The following CNST variants were observed in gnomAD, a reference collection of about 807,000 sequenced individuals.
CNST encodes the protein consortin, connexin sorting protein.
Under a neutral mutation model 72.4 loss-of-function variants are expected in CNST, and 39 were observed. That is an observed-to-expected ratio of 0.54 (90% CI 0.42 to 0.70). The LOEUF is 0.70. Among genes scored for constraint, CNST ranks in the 30% least tolerant of loss-of-function variants. The pLI, the probability that CNST is intolerant of heterozygous loss-of-function variation, is 0.00. For missense variants in CNST, 871 were observed against 868.5 expected, an observed-to-expected ratio of 1.00 and a Z score of -0.04; for synonymous variants, 332 against 320.1, an observed-to-expected ratio of 1.04 and a Z score of -0.40.
At chr1:246,661,508 GA>G (rs1667102687) in intron 10 of CNST, among the ~76,000 whole-genome samples, 1 of 152,200 alleles carries the variant, frequency 6.6e-6, no homozygotes, top group African/African-American at 2.4e-5. Context: ...TTCATTGATA[GA>G]AAAGAGTGTC....
chr1:246,641,765 CAT>C lies in CNST; in HGVS notation c.837_838del (p.His279GlnfsTer21). On this transcript the variant is annotated frameshift_variant, in exon 7 of 11. Transcript: ENST00000366513. LOFTEE classifies it high-confidence loss of function. ...ATHQDPLLSK[H>X]KIAAVEKSQE... ...TTCCTACAGTCCTCTTTTATCCAAA[CAT>C]AAGGTAAGAGATTGTTTCTTTTGAA... The C allele has an allele frequency of 7.4e-7, 1 of 1,357,042 alleles. No homozygotes were observed. Among genetic ancestry groups the C allele is most frequent in the Non-Finnish European group, 1.0e-6 (1 of 957,734 alleles). 84.1% of individuals were successfully genotyped at this position (1,357,042 alleles called of 1,614,324 possible). A position where few individuals can be genotyped will look rare whatever the true frequency, so the allele number is the denominator to read the frequency against.
At chr1:246,613,451 T>C (rs1663464407) in intron 2 of CNST, among the ~76,000 whole-genome samples, 1 of 151,986 alleles carries the variant, frequency 6.6e-6, no homozygotes, top group South Asian at 2.1e-4. Context: ...TAATCGTCTC[T>C]GAATAATGGC....
At chr1:246,574,076 G>A (rs1392638888) in intron 1 of CNST, among the ~76,000 whole-genome samples, 3 of 152,166 alleles carry the variant, frequency 2.0e-5, no homozygotes, top group African/African-American at 7.2e-5. Flanking sequence ...GTCTCGCTCT[G>A]TTGCCCAGGC....
chr1:246,663,193 A>T (rs1667205081), intron 10 of CNST, among the ~76,000 whole-genome samples: 1 of 151,624 alleles, frequency 6.6e-6, no homozygotes, highest in Non-Finnish European at 1.5e-5. Flanking sequence ...CATCTCTACA[A>T]AAAATACAGA....
chr1:246,604,831 G>A (rs533835092), intron 2 of CNST, among the ~76,000 whole-genome samples: 205 of 151,908 alleles, frequency 1.3e-3, no homozygotes, highest in African/African-American at 4.9e-3. Flanking sequence ...ACCATGCCTG[G>A]CTAATTTTTG....
At chr1:246,605,474 G>C (rs1251991617) in intron 2 of CNST, among the ~76,000 whole-genome samples, 1 of 152,366 alleles carries the variant, frequency 6.6e-6, no homozygotes, top group Non-Finnish European at 1.5e-5. Flanking sequence ...GCGGTGTGGA[G>C]CATCACGCTG....
At chr1:246,610,462 C>G (rs557121543) in intron 2 of CNST, among the ~76,000 whole-genome samples, 1 of 152,020 alleles carries the variant, frequency 6.6e-6, no homozygotes, top group Non-Finnish European at 1.5e-5. Flanking sequence ...CGGCTTCTTC[C>G]GGGATGTTTT....
In CNST at chr1:246,647,974, T is replaced by C. The variant is rs748213694; in HGVS notation, c.1773T>C (p.Asn591=). ...AAGCATCCTATAGTCTCCAGGAGAA[T>C]CTGCCTTCTGATGAGAGCTGTCTTT... ...PEEASYSLQE[N]LPSDESCLSL... The change falls in exon 9 of 11, where the codon AAT becomes AAC. Residue 591 remains asparagine, a synonymous_variant. Transcript: ENST00000366513. 1 of 1,613,792 alleles carries C rather than the reference T, an allele frequency of 6.2e-7. No homozygotes were observed. The highest frequency in any genetic ancestry group is 2.2e-5 in the East Asian group (1 of 44,888).
At chr1:246,607,294 C>G (rs1249003509) in intron 2 of CNST, 1 of 152,028 alleles carries the variant, frequency 6.6e-6, no homozygotes, top group East Asian at 1.9e-4. Flanking sequence ...GGCCACTGTT[C>G]ACTCCTGCGG....
At chr1:246,660,437 C>A in intron 10 of CNST, 103 bp downstream of exon 10, 1 of 1,313,528 alleles carries the variant, frequency 7.6e-7, no homozygotes, top group Non-Finnish European at 1.1e-6. Context: ...TTGTAAAAGA[C>A]TATGTCCGCC....
intron 9 of CNST, among the ~76,000 whole-genome samples, chr1:246,651,820 C>T (rs1453448532): frequency 3.9e-5 from 6 of 152,084 alleles, no homozygotes; most frequent in Admixed American, 1.3e-4. Context: ...AAAATTTTAT[C>T]CTCCTTTCAT....
intron 2 of CNST, among the ~76,000 whole-genome samples, chr1:246,601,074 G>C (rs1381818334): frequency 3.3e-5 from 5 of 151,980 alleles, no homozygotes; most frequent in African/African-American, 1.2e-4. Flanking sequence ...GGAGGCCGAG[G>C]CAGGAGGACT....
intron 2 of CNST, among the ~76,000 whole-genome samples, chr1:246,604,262 G>C (rs1277433360): frequency 2.1e-5 from 3 of 144,212 alleles, no homozygotes; most frequent in Non-Finnish European, 4.6e-5. Flanking sequence ...TCAAAAAAAA[G>C]AAAAAAAAAA....
chr1:246,610,952 G>A (rs916037929), intron 2 of CNST, among the ~76,000 whole-genome samples: 5 of 152,124 alleles, frequency 3.3e-5, no homozygotes, highest in South Asian at 4.2e-4. Context: ...CCCTCCGCCC[G>A]CTTGGCCGTG....
intron 1 of CNST, among the ~76,000 whole-genome samples, chr1:246,573,211 G>A (rs551408322): frequency 2.0e-5 from 3 of 152,118 alleles, no homozygotes; most frequent in East Asian, 1.9e-4. Context: ...GGAGTTCTTC[G>A]GCATGCCAGT....
intron 2 of CNST, among the ~76,000 whole-genome samples, chr1:246,616,922 T>G (rs1277206686): frequency 2.0e-5 from 3 of 152,076 alleles, no homozygotes; most frequent in African/African-American, 4.8e-5. Flanking sequence ...AAAAATTTTT[T>G]GAAATTCACA....
intron 10 of CNST, among the ~76,000 whole-genome samples, chr1:246,662,248 A>G (rs1352819707): frequency 6.6e-6 from 1 of 152,162 alleles, no homozygotes; most frequent in South Asian, 2.1e-4. Flanking sequence ...CTTCTGCCAA[A>G]ATCTTCCTAA....
At chr1:246,586,174 G>A (rs1285074513) in intron 1 of CNST, among the ~76,000 whole-genome samples, 2 of 145,774 alleles carry the variant, frequency 1.4e-5, no homozygotes, top group Non-Finnish European at 3.0e-5. Flanking sequence ...TATAAGCAAA[G>A]ATATATGGTA....
chr1:246,591,728 A>T lies in CNST; in HGVS notation c.166A>T (p.Ser56Cys). 6.2e-7 allele frequency: 1 copy of T among 1,614,208 alleles called. No individual in the cohort carries two copies. ...DGHEHLTSSDSAMGKPQVSEQ... is the reference protein window; with the variant it reads ...DGHEHLTSSDCAMGKPQVSEQ... ...GCATGAGCATCTGACCAGCAGTGAC[A>T]GTGCGATGGGAAAGCCCCAAGTGTC... is the stretch of plus-strand genomic sequence containing the variant. The change falls in exon 2 of 11, where the codon AGT becomes TGT. Residue 56 changes from serine to cysteine, a missense_variant. Ser to Cys is a moderately radical substitution (Grantham distance 112). Coordinates refer to ENST00000366513, the MANE Select transcript of CNST (RefSeq NM_152609.3).
Sources: gnomAD v4.1 joint callset for allele counts (sites outside exome capture counted in the v4.1 genomes callset) on GRCh38, gnomAD v4.1.1 for gene constraint, MANE v1.5 for transcripts, NCBI Gene and HGNC (gene_info 2026-07-23, HGNC 2026-07-21) for gene names.